ASB7: variants seen among roughly 807,000 people sequenced by gnomAD.
The protein encoded by ASB7 is ankyrin repeat and SOCS box containing 7, also known as ankyrin repeat and SOCS box protein 7.
A neutral mutation model predicts 32.5 loss-of-function variants in ASB7; 4 were observed. The observed-to-expected ratio is 0.12, with a 90% CI of 0.06 to 0.28. The LOEUF (loss-of-function observed/expected upper bound fraction) is 0.28. Among genes scored for constraint, ASB7 ranks in the 10% least tolerant of loss-of-function variants. The pLI, the probability that ASB7 is intolerant of heterozygous loss-of-function variation, is 1.00. For missense variants in ASB7, 181 were observed against 407.1 expected (o/e 0.44, Z 4.78); for synonymous variants, 172 against 155.6 (o/e 1.11, Z -0.78).
intron 4 of ASB7, among the ~76,000 whole-genome samples, chr15:100,628,019 C>G (rs1333744879): frequency 6.6e-6 from 1 of 152,204 alleles, no homozygotes; most frequent in East Asian, 1.9e-4. Flanking sequence ...TTAAAATGTT[C>G]TTACCCTACT....
chr15:100,637,557 C>T (rs1227647602), intron 5 of ASB7, among the ~76,000 whole-genome samples: 1 of 152,150 alleles, frequency 6.6e-6, no homozygotes, highest in Non-Finnish European at 1.5e-5. Flanking sequence ...AATGTGACAA[C>T]AGTCATACAT....
intron 5 of ASB7, among the ~76,000 whole-genome samples, chr15:100,632,830 C>A (rs1359871601): frequency 3.3e-5 from 5 of 149,818 alleles, no homozygotes; most frequent in Non-Finnish European, 7.4e-5. Flanking sequence ...GGAAAAATTG[C>A]CGTAAAAACT....
chr15:100,643,675 A>G (rs1342882696), intron 5 of ASB7, among the ~76,000 whole-genome samples: 2 of 150,384 alleles, frequency 1.3e-5, no homozygotes, highest in Non-Finnish European at 3.0e-5. Flanking sequence ...ATATTTTTTT[A>G]GTAGAGACGG....
intron 4 of ASB7, among the ~76,000 whole-genome samples, chr15:100,626,230 C>T (rs1315598619): frequency 6.6e-6 from 1 of 152,078 alleles, no homozygotes; most frequent in Non-Finnish European, 1.5e-5. Context: ...ATTTACAAGA[C>T]ACATCTGACA....
intron 4 of ASB7, among the ~76,000 whole-genome samples, chr15:100,614,793 T>C (rs147587767): frequency 2.0e-3 from 310 of 151,818 alleles, no homozygotes; most frequent in African/African-American, 7.3e-3. Context: ...TTAAGAAAGT[T>C]TATGAATTTG....
intron 4 of ASB7, among the ~76,000 whole-genome samples, chr15:100,614,177 G>A (rs779504385): frequency 9.9e-5 from 15 of 151,848 alleles, no homozygotes; most frequent in Non-Finnish European, 1.6e-4. Context: ...GGGAGACTGA[G>A]GCAGGAGAAT....
chr15:100,609,000 T>C (rs2039671645), intron 2 of ASB7, among the ~76,000 whole-genome samples: 1 of 152,230 alleles, frequency 6.6e-6, no homozygotes, highest in South Asian at 2.1e-4. Context: ...TAGAGTTTTA[T>C]GTGGAAGTCA....
At chr15:100,607,011 G>A (rs1057174312) in intron 2 of ASB7, among the ~76,000 whole-genome samples, 1 of 152,002 alleles carries the variant, frequency 6.6e-6, no homozygotes, top group Non-Finnish European at 1.5e-5. Flanking sequence ...GAATTAGCCG[G>A]GTGTGGTGGC....
intron 2 of ASB7, among the ~76,000 whole-genome samples, chr15:100,603,636 C>T (rs1159026173): frequency 6.6e-6 from 1 of 152,182 alleles, no homozygotes; most frequent in Non-Finnish European, 1.5e-5. Flanking sequence ...TCCTTACTCT[C>T]ATAGGAATTC....
At chr15:100,634,934 G>C (rs1322147628) in intron 5 of ASB7, among the ~76,000 whole-genome samples, 1 of 152,208 alleles carries the variant, frequency 6.6e-6, no homozygotes, top group Non-Finnish European at 1.5e-5. Flanking sequence ...CTCCCTCCTG[G>C]AGAATGCCCC....
intron 2 of ASB7, among the ~76,000 whole-genome samples, chr15:100,607,023 C>T (rs891896358): frequency 2.6e-5 from 4 of 151,920 alleles, no homozygotes; most frequent in Non-Finnish European, 2.9e-5. Context: ...TGTGGTGGCA[C>T]GCTCCTGTAG....
intron 5 of ASB7, among the ~76,000 whole-genome samples, chr15:100,637,198 C>G (rs193236598): frequency 6.6e-6 from 1 of 152,156 alleles, no homozygotes; most frequent in Non-Finnish European, 1.5e-5. Flanking sequence ...TGAGCTGAGC[C>G]GGCAGCTTTT....
Position 100,639,865 on chromosome 15 carries a change from G to A in ASB7, c.818-8458G>A, listed in dbSNP as rs573709956. ...TCTATTTTTAATATAGGCATCTAGAGATTTTTTGTCATTTGACTTAGTGCA... is the reference window on the plus strand; with the variant it reads ...TCTATTTTTAATATAGGCATCTAGAAATTTTTTGTCATTTGACTTAGTGCA... On this transcript the variant is annotated intron_variant, in intron 5 of 5. Coordinates refer to ENST00000332783, the MANE Select transcript of ASB7 (RefSeq NM_198243.3). Among the ~76,000 whole-genome samples the A allele has an allele frequency of 3.3e-5, 5 of 152,200 alleles. 1 individual carries two copies. Among genetic ancestry groups the A allele is most frequent in the African/African-American group, 1.2e-4 (5 of 41,524 alleles).
Position 100,603,280 on chromosome 15 carries a change from G to A in ASB7, c.-207G>A. ...CTGCCCACCTATCAGAGAAGCAGAAGGCACAGTGCCTCTGACCAGCATCGT... is the reference window on the plus strand; with the variant it reads ...CTGCCCACCTATCAGAGAAGCAGAAAGCACAGTGCCTCTGACCAGCATCGT... On this transcript the variant is annotated 5_prime_UTR_variant, in exon 2 of 6. Coordinates refer to ENST00000332783, the MANE Select transcript of ASB7 (RefSeq NM_198243.3). 1 of 328,466 alleles carries A rather than the reference G, an allele frequency of 3.0e-6. No homozygotes were observed. The highest frequency in any genetic ancestry group is 5.5e-6 in the Non-Finnish European group (1 of 182,350). 20.3% of individuals were successfully genotyped at this position (328,466 alleles called of 1,614,324 possible). A position where few individuals can be genotyped will look rare whatever the true frequency, so the allele number is the denominator to read the frequency against.
At chr15:100,607,717 A>G (rs12915418) in intron 2 of ASB7, among the ~76,000 whole-genome samples, 27,877 of 152,200 alleles carry the variant, frequency 0.18, 3,358 homozygotes, top group Non-Finnish European at 0.27. Flanking sequence ...TGGAGGTGCT[A>G]CCTGTGGCCA....
chr15:100,612,594 C>G (rs1253420922), intron 4 of ASB7, 167 bp downstream of exon 4: 1 of 682,670 alleles, frequency 1.5e-6, no homozygotes, highest in African/African-American at 1.8e-5. Context: ...TTGTTTAAAA[C>G]CAGATTGTTT....
chr15:100,612,530 T>C lies in ASB7; in HGVS notation c.211+103T>C, dbSNP rs2039706144. ...ATTTTTAATGCTTCTCTTCTGTTAA[T>C]ACTCAACATATTATTCTCTCTCCTT... On this transcript the variant is annotated intron_variant, in intron 4 of 5. Transcript: ENST00000332783. 17 of 1,080,294 alleles carry C rather than the reference T, an allele frequency of 1.6e-5. No individual in the cohort carries two copies. In the South Asian group the frequency reaches 2.4e-4, roughly 15 times the overall value. 66.9% of individuals were successfully genotyped at this position (1,080,294 alleles called of 1,614,324 possible). A position where few individuals can be genotyped will look rare whatever the true frequency, so the allele number is the denominator to read the frequency against.
intron 5 of ASB7, among the ~76,000 whole-genome samples, chr15:100,639,050 A>G (rs1222390772): frequency 1.3e-5 from 2 of 152,206 alleles, no homozygotes; most frequent in Admixed American, 6.5e-5. Flanking sequence ...ATCTGTTTGT[A>G]GTAGACAGTG....
In ASB7 at chr15:100,602,819, A is replaced by C; in HGVS notation, c.-500A>C. ...GGACTGCCCCCCCACCCGAGCCAGG[A>C]CTTCCTCCCTGCCTCCCTGCACCTC... On this transcript the variant is annotated 5_prime_UTR_variant, in exon 1 of 6. Coordinates refer to ENST00000332783, the MANE Select transcript of ASB7 (RefSeq NM_198243.3). 2.6e-6 allele frequency: 1 copy of C among 389,494 alleles called. No homozygotes were observed. The highest frequency in any genetic ancestry group is 4.5e-6 in the Non-Finnish European group (1 of 221,068). The allele number at this position is 389,494 out of a possible 1,614,324, so 24.1% of individuals were successfully genotyped here. A position where few individuals can be genotyped will look rare whatever the true frequency, so the allele number is the denominator to read the frequency against.
Sources: gnomAD v4.1 joint callset for allele counts (sites outside exome capture counted in the v4.1 genomes callset) on GRCh38, gnomAD v4.1.1 for gene constraint, MANE v1.5 for transcripts, NCBI Gene and HGNC (gene_info 2026-07-23, HGNC 2026-07-21) for gene names.